CTNNA2: variants seen among roughly 807,000 people sequenced by gnomAD.
CTNNA2 encodes catenin alpha-2.
Under a neutral mutation model 101.0 loss-of-function variants are expected in CTNNA2, and 42 were observed. The observed-to-expected ratio is 0.42, with a 90% CI of 0.32 to 0.54. The LOEUF is 0.54. Ranked by LOEUF, CTNNA2 falls within the 20% of genes least tolerant of loss-of-function variation. The pLI is 0.14. For synonymous variants in CTNNA2, 450 were observed against 456.4 expected (o/e 0.99, Z 0.18); for missense variants, 871 against 1,223.1 (o/e 0.71, Z 4.29).
chr2:79,564,171 T>C (rs1168910759), intron 1 of CTNNA2, among the ~76,000 whole-genome samples: 1 of 152,130 alleles, frequency 6.6e-6, no homozygotes, highest in African/African-American at 2.4e-5. Context: ...TGAGCTGATA[T>C]TGTAAAGAAC....
At chr2:79,774,292 A>C (rs970073466) in intron 3 of CTNNA2, among the ~76,000 whole-genome samples, 2 of 152,132 alleles carry the variant, frequency 1.3e-5, no homozygotes, top group African/African-American at 4.8e-5. Context: ...CAGCAGTGCT[A>C]ATTGCTAAAT....
At chr2:79,418,013 T>C (rs1678502012) in intron 4 of CTNNA2, among the ~76,000 whole-genome samples, 2 of 151,976 alleles carry the variant, frequency 1.3e-5, no homozygotes. Flanking sequence ...CAAAGGTAGC[T>C]TGAGGGGTAG....
intron 7 of CTNNA2, among the ~76,000 whole-genome samples, chr2:80,062,914 C>G (rs1697705205): frequency 6.6e-6 from 1 of 152,034 alleles, no homozygotes; most frequent in Admixed American, 6.5e-5. Flanking sequence ...ACCGTGTTAG[C>G]TAGGATGGTC....
At position 79,522,481 on chromosome 2, in the gene CTNNA2, C is replaced by T. The variant is rs1460964885; in HGVS notation, c.-6+9274C>T. Among the ~76,000 whole-genome samples the T allele has an allele frequency of 2.0e-5, 3 of 152,152 alleles. No individual in the cohort carries two copies. In the East Asian group the frequency reaches 5.8e-4, roughly 29 times the overall value. On this transcript the variant is annotated intron_variant, in intron 1 of 18. Transcript: ENST00000402739. ...ACCAGACAGAATGATCGAGTGTGTC[C>T]TGCAGTGTGGTACTGATGCCACAGT...
intron 7 of CTNNA2, among the ~76,000 whole-genome samples, chr2:80,089,275 A>G (rs748743018): frequency 3.3e-5 from 5 of 152,050 alleles, no homozygotes; most frequent in Non-Finnish European, 7.4e-5. Flanking sequence ...TGGAAAATGT[A>G]GAGCTAGACG....
intron 1 of CTNNA2, among the ~76,000 whole-genome samples, chr2:79,614,448 T>G (rs1678488998): frequency 6.6e-6 from 1 of 152,154 alleles, no homozygotes; most frequent in Non-Finnish European, 1.5e-5. Context: ...CAGGGAAAGA[T>G]CCAGGTTTTG....
At chr2:80,529,099 T>A (rs1287781867) in intron 9 of CTNNA2, among the ~76,000 whole-genome samples, 3 of 152,200 alleles carry the variant, frequency 2.0e-5, no homozygotes, top group Non-Finnish European at 4.4e-5. Flanking sequence ...GCAACTCATG[T>A]CCTGGTGGGC....
intron 4 of CTNNA2, among the ~76,000 whole-genome samples, chr2:79,476,319 G>C (rs1671049396): frequency 6.6e-6 from 1 of 152,152 alleles, no homozygotes; most frequent in South Asian, 2.1e-4. Flanking sequence ...TATCTCCTCA[G>C]GTTCAGAGAC....
intron 7 of CTNNA2, among the ~76,000 whole-genome samples, chr2:80,201,634 C>A (rs1245591271): frequency 6.6e-6 from 1 of 152,078 alleles, no homozygotes; most frequent in Non-Finnish European, 1.5e-5. Context: ...CTCGGCCTCC[C>A]AAAGTGCTGG....
chr2:80,077,586 TAAA>T (rs11330479), intron 7 of CTNNA2, among the ~76,000 whole-genome samples: 1 of 139,998 alleles, frequency 7.1e-6, no homozygotes, highest in Non-Finnish European at 1.6e-5. Context: ...CTGTCTCTAT[TAAA>T]AAAAAAAAAA....
At chr2:80,226,413 T>C (rs1262852257) in intron 7 of CTNNA2, among the ~76,000 whole-genome samples, 5 of 152,244 alleles carry the variant, frequency 3.3e-5, no homozygotes, top group Admixed American at 1.3e-4. Flanking sequence ...ACTTGGGATG[T>C]TGGCTGTTCA....
chr2:80,139,273 C>T (rs755023550), intron 7 of CTNNA2, among the ~76,000 whole-genome samples: 12 of 152,226 alleles, frequency 7.9e-5, no homozygotes, highest in African/African-American at 2.9e-4. Context: ...AATCATTAAA[C>T]CTCTTTGCAG....
At chr2:79,790,841 C>T (rs747222582) in intron 3 of CTNNA2, among the ~76,000 whole-genome samples, 1 of 152,108 alleles carries the variant, frequency 6.6e-6, no homozygotes, top group African/African-American at 2.4e-5. Context: ...ATAGTAACCA[C>T]TTTTGACAAG....
chr2:80,083,750 A>G (rs772188919), intron 7 of CTNNA2, among the ~76,000 whole-genome samples: 18 of 151,994 alleles, frequency 1.2e-4, no homozygotes, highest in Non-Finnish European at 1.8e-4. Flanking sequence ...TACTTCCTAT[A>G]TTATACCAGG....
intron 9 of CTNNA2, among the ~76,000 whole-genome samples, chr2:80,505,322 A>G (rs1340859469): frequency 6.6e-6 from 1 of 152,210 alleles, no homozygotes; most frequent in Non-Finnish European, 1.5e-5. Context: ...TGGTTTGCCT[A>G]AAGGCATTTC....
chr2:79,403,066 C>T (rs1416276268), intron 4 of CTNNA2, among the ~76,000 whole-genome samples: 1 of 151,140 alleles, frequency 6.6e-6, no homozygotes, highest in Non-Finnish European at 1.5e-5. Flanking sequence ...AAAAGAAAAA[C>T]AGGAAAATTC....
intron 7 of CTNNA2, among the ~76,000 whole-genome samples, chr2:80,105,900 A>G (rs57172628): frequency 0.031 from 4,727 of 152,172 alleles, 229 homozygotes; most frequent in African/African-American, 0.11. Context: ...GCAAAAGAAG[A>G]TGGTCTGGGA....
At chr2:79,324,422 G>A (rs980541257) in intron 3 of CTNNA2, among the ~76,000 whole-genome samples, 1 of 152,144 alleles carries the variant, frequency 6.6e-6, no homozygotes, top group Non-Finnish European at 1.5e-5. Context: ...TGGAGTGGGA[G>A]GTGTGTGAGA....
upstream of CTNNA2, among the ~76,000 whole-genome samples, chr2:79,511,643 A>G (rs1022979549): frequency 6.6e-5 from 10 of 152,216 alleles, no homozygotes. Flanking sequence ...AAGAAAAAAG[A>G]AAGCCAAAAA....
Sources: gnomAD v4.1 joint callset for allele counts (sites outside exome capture counted in the v4.1 genomes callset) on GRCh38, gnomAD v4.1.1 for gene constraint, MANE v1.5 for transcripts, NCBI Gene and HGNC (gene_info 2026-07-23, HGNC 2026-07-21) for gene names.